SGCZ: variants seen among roughly 807,000 people sequenced by gnomAD.
SGCZ encodes sarcoglycan zeta.
Under a neutral mutation model 41.3 loss-of-function variants are expected in SGCZ, and 40 were observed. The ratio of observed to expected loss-of-function variants is 0.97; its 90% CI spans 0.75 to 1.26. The LOEUF is 1.26. Ranked by LOEUF, SGCZ falls within the 50% of genes most tolerant of loss-of-function variation. The pLI is 0.00. For missense variants in SGCZ, 552 were observed against 369.8 expected, an observed-to-expected ratio of 1.49 and a Z score of -4.04; for synonymous variants, 206 against 137.5, an observed-to-expected ratio of 1.50 and a Z score of -3.49.
At chr8:14,602,530 C>A (rs1034365951) in intron 1 of SGCZ, among the ~76,000 whole-genome samples, 1 of 152,006 alleles carries the variant, frequency 6.6e-6, no homozygotes, top group African/African-American at 2.4e-5. Context: ...AGTGAAAAAA[C>A]TAATTAATTA....
chr8:14,984,634 G>T (rs189750446), intron 1 of SGCZ, among the ~76,000 whole-genome samples: 1 of 151,888 alleles, frequency 6.6e-6, no homozygotes, highest in East Asian at 1.9e-4. Context: ...TTGGTCATTC[G>T]ATCCAAATGC....
intron 4 of SGCZ, among the ~76,000 whole-genome samples, chr8:14,173,816 T>C (rs1353692589): frequency 2.0e-5 from 3 of 152,046 alleles, no homozygotes; most frequent in Non-Finnish European, 2.9e-5. Flanking sequence ...TAAATATAAA[T>C]GGACAGACAC....
intron 2 of SGCZ, among the ~76,000 whole-genome samples, chr8:14,515,959 G>A (rs951858055): frequency 6.6e-6 from 1 of 151,716 alleles, no homozygotes; most frequent in Non-Finnish European, 1.5e-5. Context: ...ATACCTTGTT[G>A]GAAATAACTT....
intron 1 of SGCZ, among the ~76,000 whole-genome samples, chr8:14,849,420 C>T (rs745960506): frequency 5.3e-5 from 8 of 151,350 alleles, no homozygotes; most frequent in East Asian, 1.9e-4. Flanking sequence ...AACCTAAAGC[C>T]GGAAACAACA....
intron 1 of SGCZ, among the ~76,000 whole-genome samples, chr8:15,052,847 C>T (rs769224746): frequency 1.3e-5 from 2 of 152,100 alleles, no homozygotes. Context: ...AGGATAATGG[C>T]TTCCACTGAA....
intron 2 of SGCZ, among the ~76,000 whole-genome samples, chr8:14,405,194 G>A (rs780076551): frequency 1.3e-5 from 2 of 152,158 alleles, no homozygotes; most frequent in Admixed American, 6.5e-5. Flanking sequence ...AGTTCCCCGT[G>A]TTAAATCACC....
chr8:14,316,208 A>G (rs1801709755), intron 3 of SGCZ, among the ~76,000 whole-genome samples: 2 of 151,994 alleles, frequency 1.3e-5, no homozygotes, highest in African/African-American at 2.4e-5. Context: ...ATATTAAGGG[A>G]AAAGTGAGAA....
In SGCZ at chr8:15,165,359, C is replaced by T. The variant is rs80080659; in HGVS notation, c.39+72226G>A. The stretch of plus-strand genomic sequence containing the variant: ...AAAAGCTGTGGAACCTTTCAGTTCA[C>T]GTGACTTTAACCTTAATAAATAAAA... On this transcript the variant is annotated intron_variant, in intron 1 of 7. Coordinates refer to ENST00000382080, the MANE Select transcript of SGCZ (RefSeq NM_139167.4). 0.013 allele frequency among the ~76,000 whole-genome samples: 2,006 copies of T among 152,054 alleles called. 73 individuals carry two copies. The South Asian group carries it at 0.14, about 11-fold the overall frequency.
chr8:14,719,035 G>T (rs902816726), intron 1 of SGCZ, among the ~76,000 whole-genome samples: 1 of 122,954 alleles, frequency 8.1e-6, no homozygotes, highest in Non-Finnish European at 1.6e-5. Flanking sequence ...CCCAGAGTGT[G>T]ATGTTCCCCT....
chr8:14,880,781 C>G (rs561235947), intron 1 of SGCZ, among the ~76,000 whole-genome samples: 1 of 152,038 alleles, frequency 6.6e-6, no homozygotes, highest in Non-Finnish European at 1.5e-5. Context: ...GGAAGGGGAA[C>G]ACCAGACACC....
chr8:14,523,289 C>A (rs1259444760), intron 2 of SGCZ, among the ~76,000 whole-genome samples: 4 of 151,816 alleles, frequency 2.6e-5, no homozygotes, highest in Non-Finnish European at 5.9e-5. Flanking sequence ...TTTCATTTCC[C>A]TTTTATTATT....
At chr8:14,328,920 C>T (rs888218540) in intron 2 of SGCZ, among the ~76,000 whole-genome samples, 1 of 152,220 alleles carries the variant, frequency 6.6e-6, no homozygotes, top group Admixed American at 6.5e-5. Context: ...AGGTAGGATA[C>T]AGAGCATTCC....
At chr8:14,788,081 A>G (rs572687750) in intron 1 of SGCZ, among the ~76,000 whole-genome samples, 1 of 152,174 alleles carries the variant, frequency 6.6e-6, no homozygotes, top group Non-Finnish European at 1.5e-5. Context: ...TACCAAAAGG[A>G]AAGTTACTGT....
At chr8:14,950,493 A>G (rs17470444) in intron 1 of SGCZ, among the ~76,000 whole-genome samples, 40,085 of 151,888 alleles carry the variant, frequency 0.26, 5,376 homozygotes, top group East Asian at 0.31. Context: ...CCAAGCACTG[A>G]ATATCTTTAA....
chr8:14,162,559 T>G (rs1804078305), intron 5 of SGCZ: 1 of 152,280 alleles, frequency 6.6e-6, no homozygotes, highest in South Asian at 2.1e-4. Context: ...TTTCTCTCTC[T>G]TTGTCCCTGC....
chr8:14,301,297 T>C (rs1177650163), intron 3 of SGCZ, among the ~76,000 whole-genome samples: 1 of 152,014 alleles, frequency 6.6e-6, no homozygotes, highest in African/African-American at 2.4e-5. Context: ...ATGGAGCTGA[T>C]CCATGTTTTC....
chr8:14,366,009 A>G (rs781265661), intron 2 of SGCZ, among the ~76,000 whole-genome samples: 19 of 152,042 alleles, frequency 1.2e-4, no homozygotes, highest in Non-Finnish European at 1.9e-4. Flanking sequence ...TTTTCTTTCT[A>G]CATTTTTGAA....
At chr8:14,175,474 T>A (rs1215508680) in intron 4 of SGCZ, among the ~76,000 whole-genome samples, 2 of 152,068 alleles carry the variant, frequency 1.3e-5, no homozygotes, top group Non-Finnish European at 2.9e-5. Flanking sequence ...GAATATAAAT[T>A]TGGAAAAGAA....
At chr8:15,211,030 T>TATATATATATATAG (rs1563186195) in intron 1 of SGCZ, among the ~76,000 whole-genome samples, 1 of 147,190 alleles carries the variant, frequency 6.8e-6, no homozygotes, top group African/African-American at 2.5e-5. Context: ...GATATATACA[T>TATATATATATATAG]ATATAGATAT....
Sources: allele counts gnomAD v4.1 joint callset (sites outside exome capture counted in the v4.1 genomes callset), GRCh38; gene constraint gnomAD v4.1.1; transcripts MANE v1.5; gene names NCBI Gene and HGNC (gene_info 2026-07-23, HGNC 2026-07-21).